The following NOSTRIN variants were observed in gnomAD, a reference collection of about 807,000 sequenced individuals.
NOSTRIN encodes the protein BM247 homolog.
Under a neutral mutation model 59.0 loss-of-function variants are expected in NOSTRIN, and 63 were observed. That is an observed-to-expected ratio of 1.07 (90% CI 0.87 to 1.32). The LOEUF (loss-of-function observed/expected upper bound fraction) is 1.32. Ranked by LOEUF, NOSTRIN falls within the 40% of genes most tolerant of loss-of-function variation. The pLI is 0.00. For missense variants in NOSTRIN, 512 were observed against 473.1 expected, an observed-to-expected ratio of 1.08 and a Z score of -0.76; for synonymous variants, 200 against 165.4, an observed-to-expected ratio of 1.21 and a Z score of -1.61.
intron 7 of NOSTRIN, among the ~76,000 whole-genome samples, chr2:168,840,470 C>T (rs1173260338): frequency 7.2e-6 from 1 of 138,698 alleles, no homozygotes; most frequent in East Asian, 2.2e-4. Flanking sequence ...GCGGAGCTTG[C>T]AGTGAGCTGA....
intron 8 of NOSTRIN, among the ~76,000 whole-genome samples, chr2:168,848,915 C>T (rs1452214148): frequency 2.0e-5 from 3 of 151,954 alleles, no homozygotes; most frequent in Admixed American, 1.3e-4. Flanking sequence ...AAATGGATGC[C>T]TAAGGTGGAT....
intron 12 of NOSTRIN, 174 bp from the exon 13 acceptor site, chr2:168,859,338 T>TTA: frequency 1.0e-6 from 1 of 953,450 alleles, no homozygotes; most frequent in Non-Finnish European, 1.5e-6. Context: ...TCTAAACTGC[T>TTA]TAAAGAGTTT....
chr2:168,830,591 A>C (rs756250973), intron 5 of NOSTRIN, among the ~76,000 whole-genome samples: 11 of 152,212 alleles, frequency 7.2e-5, no homozygotes, highest in Non-Finnish European at 1.5e-4. Context: ...CCAGGGAAAA[A>C]CATTCTGCTG....
chr2:168,795,628 C>G (rs1047253664), upstream of NOSTRIN, among the ~76,000 whole-genome samples: 8 of 152,116 alleles, frequency 5.3e-5, no homozygotes, highest in African/African-American at 1.9e-4. Context: ...AAAAATTAAA[C>G]CCTATTACAC....
chr2:168,843,522 ATAAAG>A (rs1688218077), intron 8 of NOSTRIN, among the ~76,000 whole-genome samples: 1 of 152,246 alleles, frequency 6.6e-6, no homozygotes, highest in Non-Finnish European at 1.5e-5. Context: ...AGAGCATTGA[ATAAAG>A]TAACATCTCA....
chr2:168,849,519 C>T (rs2105747079), intron 8 of NOSTRIN, among the ~76,000 whole-genome samples: 1 of 152,086 alleles, frequency 6.6e-6, no homozygotes, highest in East Asian at 1.9e-4. Context: ...CCAGGCCTGG[C>T]TAATTTTTGT....
chr2:168,834,507 GCACACACA>G (rs1553527194), intron 7 of NOSTRIN, among the ~76,000 whole-genome samples, 182 bp downstream of exon 7: 40 of 125,432 alleles, frequency 3.2e-4, no homozygotes, highest in Non-Finnish European at 5.6e-4. Flanking sequence ...GCGCGCGCGC[GCACACACA>G]CACACACACA....
At position 168,859,604 on chromosome 2, in the gene NOSTRIN, T is replaced by C. The variant is rs34073293; in HGVS notation, c.1146T>C (p.Pro382=). ...AGCAAAGACCTCAACCCAGCCATCC[T>C]TGTAGTAATTCCATCTTCAGGTGGA... The part of the protein sequence containing the change: ...ELEQRPQPSH[P]CSNSIFRWRE... Residue 382 remains proline, a synonymous_variant, in exon 13 of 16, where the codon CCT becomes CCC. Transcript: ENST00000317647. 77,876 of 1,613,980 alleles carry C rather than the reference T, an allele frequency of 0.048. 3,097 individuals carry two copies. The highest frequency in any genetic ancestry group is 0.21 in the African/African-American group (15,609 of 74,984).
intron 11 of NOSTRIN, 178 bp downstream of exon 11, chr2:168,855,638 C>CAAAAAAAAAAAAAAAAAAAAAAAACA: frequency 8.7e-6 from 1 of 115,544 alleles, no homozygotes; most frequent in Non-Finnish European, 1.6e-5. Context: ...AAAAGAAAGC[C>CAAAAAAAAAAAAAAAAAAAAAAAACA]AAAAAAAAAA....
chr2:168,827,486 A>G (rs1687119366), intron 3 of NOSTRIN, among the ~76,000 whole-genome samples: 2 of 152,046 alleles, frequency 1.3e-5, no homozygotes, highest in African/African-American at 4.8e-5. Flanking sequence ...TTTCATATCT[A>G]TGTGTCCTAT....
At chr2:168,853,718 C>T (rs1409675174) in intron 10 of NOSTRIN, among the ~76,000 whole-genome samples, 3 of 152,212 alleles carry the variant, frequency 2.0e-5, no homozygotes, top group African/African-American at 4.8e-5. Context: ...GGTGTGATGT[C>T]AGCTTGCGCC....
At chr2:168,847,355 C>T (rs905240461) in intron 8 of NOSTRIN, among the ~76,000 whole-genome samples, 10 of 152,080 alleles carry the variant, frequency 6.6e-5, no homozygotes, top group East Asian at 1.9e-4. Flanking sequence ...TGTCTCAAAG[C>T]GCCTGGGGTG....
At chr2:168,835,964 C>A (rs1574299893) in intron 7 of NOSTRIN, among the ~76,000 whole-genome samples, 2 of 152,196 alleles carry the variant, frequency 1.3e-5, no homozygotes, top group Admixed American at 1.3e-4. Flanking sequence ...TAGTCGATAT[C>A]TTCTACAAAA....
chr2:168,802,743 A>C (rs1685659812), intron 1 of NOSTRIN, 70 bp downstream of exon 1: 1 of 838,976 alleles, frequency 1.2e-6, no homozygotes, highest in Non-Finnish European at 2.1e-6. Flanking sequence ...ATATTAATGG[A>C]TTTTAACTTA....
intron 7 of NOSTRIN, 137 bp downstream of exon 7, chr2:168,834,462 A>G: frequency 1.7e-6 from 1 of 592,318 alleles, no homozygotes; most frequent in Non-Finnish European, 3.0e-6. Context: ...GACAGAGCAT[A>G]AAAGGGGATT....
At chr2:168,811,995 C>A (rs1458224960) in intron 2 of NOSTRIN, 1 of 164,762 alleles carries the variant, frequency 6.1e-6, no homozygotes, top group Non-Finnish European at 1.3e-5. Context: ...TTACATTTTT[C>A]TCTCCCCTCG....
upstream of NOSTRIN, among the ~76,000 whole-genome samples, chr2:168,798,846 G>GACAC (rs1685549977): frequency 1.3e-5 from 2 of 152,148 alleles, no homozygotes; most frequent in South Asian, 4.1e-4. Flanking sequence ...CAGACAGACA[G>GACAC]AAGATAGTTC....
At chr2:168,812,105 C>A (rs1286176843) in intron 2 of NOSTRIN, 1 of 152,712 alleles carries the variant, frequency 6.5e-6, no homozygotes, top group African/African-American at 2.4e-5. Flanking sequence ...GAAAAGTCAC[C>A]ATTTTCAGCA....
At chr2:168,803,683 C>T (rs931682816) in intron 1 of NOSTRIN, among the ~76,000 whole-genome samples, 2 of 152,118 alleles carry the variant, frequency 1.3e-5, no homozygotes, top group Non-Finnish European at 2.9e-5. Context: ...AACATAGTAG[C>T]CAATTCTGCC....
Sources: gnomAD v4.1 joint callset for allele counts (sites outside exome capture counted in the v4.1 genomes callset) on GRCh38, gnomAD v4.1.1 for gene constraint, MANE v1.5 for transcripts, NCBI Gene and HGNC (gene_info 2026-07-23, HGNC 2026-07-21) for gene names.